Variants in RETREG1 observed in about 807,000 individuals in gnomAD.
RETREG1 encodes the protein family with sequence similarity 134 member B.
Under a neutral mutation model 54.8 loss-of-function variants are expected in RETREG1, and 44 were observed. The observed-to-expected ratio is 0.80, with a 90% confidence interval of 0.63 to 1.03. The LOEUF (loss-of-function observed/expected upper bound fraction) is 1.03, where lower values mean the gene tolerates loss of function less well. Among genes scored for constraint, RETREG1 ranks in the 50% least tolerant of loss-of-function variants. The pLI is 0.00. For synonymous variants in RETREG1, 217 were observed against 238.5 expected (o/e 0.91, Z 0.83); for missense variants, 554 against 605.1 (o/e 0.92, Z 0.89).
At chr5:16,554,470 C>T (rs1741632322) in intron 3 of RETREG1, among the ~76,000 whole-genome samples, 1 of 152,174 alleles carries the variant, frequency 6.6e-6, no homozygotes. Flanking sequence ...TTCACCCTGC[C>T]TGCGGGCACA....
At chr5:16,502,071 C>T (rs1276712528) in intron 3 of RETREG1, among the ~76,000 whole-genome samples, 1 of 151,814 alleles carries the variant, frequency 6.6e-6, no homozygotes, top group East Asian at 1.9e-4. Context: ...ATTCTCCTGC[C>T]TCAGCCTCCC....
At chr5:16,519,150 T>A in intron 3 of RETREG1, among the ~76,000 whole-genome samples, 1 of 152,164 alleles carries the variant, frequency 6.6e-6, no homozygotes, top group South Asian at 2.1e-4. Context: ...GATGACTATG[T>A]GCACCCCGCT....
At chr5:16,592,224 T>C (rs1742794410) in intron 1 of RETREG1, among the ~76,000 whole-genome samples, 1 of 151,976 alleles carries the variant, frequency 6.6e-6, no homozygotes, top group South Asian at 2.1e-4. Flanking sequence ...CTTCTTCCCA[T>C]CAAAAAGTGG....
chr5:16,485,913 T>C (rs2126524863), intron 3 of RETREG1, among the ~76,000 whole-genome samples: 1 of 152,312 alleles, frequency 6.6e-6, no homozygotes, highest in Admixed American at 6.5e-5. Flanking sequence ...GCACTATTCC[T>C]CTGTGTCTAT....
intron 3 of RETREG1, among the ~76,000 whole-genome samples, chr5:16,511,501 C>T (rs1740173180): frequency 6.6e-6 from 1 of 152,126 alleles, no homozygotes; most frequent in Non-Finnish European, 1.5e-5. Flanking sequence ...GCTATAACCC[C>T]ACAGTAGGTC....
intron 3 of RETREG1, among the ~76,000 whole-genome samples, chr5:16,521,862 C>G (rs532869093): frequency 2.4e-4 from 36 of 152,314 alleles, no homozygotes; most frequent in African/African-American, 8.4e-4. Flanking sequence ...TTTGGAGAAG[C>G]CAAATTGAAA....
chr5:16,532,143 T>C (rs1740935454), intron 3 of RETREG1, among the ~76,000 whole-genome samples: 1 of 152,218 alleles, frequency 6.6e-6, no homozygotes, highest in Non-Finnish European at 1.5e-5. Flanking sequence ...AGTAGCCTCT[T>C]TGCCACTCAA....
At chr5:16,541,678 C>A (rs945918152) in intron 3 of RETREG1, among the ~76,000 whole-genome samples, 1 of 145,554 alleles carries the variant, frequency 6.9e-6, no homozygotes, top group African/African-American at 2.6e-5. Context: ...CAAAGTGAGA[C>A]TCCATCAGAA....
chr5:16,601,986 C>T (rs918770160), intron 1 of RETREG1, among the ~76,000 whole-genome samples: 3 of 152,106 alleles, frequency 2.0e-5, no homozygotes, highest in Non-Finnish European at 1.5e-5. Context: ...GGCAATTCTT[C>T]CCAACCCAGA....
intron 3 of RETREG1, chr5:16,508,758 A>G: frequency 6.7e-7 from 1 of 1,499,484 alleles, no homozygotes; most frequent in Non-Finnish European, 8.9e-7. Context: ...TCCTTTTTGG[A>G]AAAAAAGTGC....
At position 16,616,888 on chromosome 5, in the gene RETREG1, T is replaced by C. The variant is rs1191188290; in HGVS notation, c.84A>G (p.Pro28=). The part of the protein sequence containing the change: ...AAEEQAPPSP[P]PPQASPAERQ... ...GCTCTGCGGGGGATGCCTGGGGCGG[T>C]GGCGGCGACGGCGGCGCCTGCTCCT... The change falls in exon 1 of 9, where the codon CCA becomes CCG. Residue 28 remains proline (P), a synonymous_variant. Transcript: ENST00000306320. 1 of 1,484,200 alleles carries C rather than the reference T, an allele frequency of 6.7e-7. No homozygotes were observed. The highest frequency in any genetic ancestry group is 2.3e-5 in the Admixed American group (1 of 43,994). 91.9% of individuals were successfully genotyped at this position (1,484,200 alleles called of 1,614,324 possible). A position where few individuals can be genotyped will look rare whatever the true frequency, so the allele number is the denominator to read the frequency against.
In RETREG1 at chr5:16,561,340, A is replaced by G. The variant is rs953745438; in HGVS notation, c.458+4423T>C. 1.3e-5 allele frequency among the ~76,000 whole-genome samples: 2 copies of G among 151,960 alleles called. No homozygotes were observed. The highest frequency in any genetic ancestry group is 4.8e-5 in the African/African-American group (2 of 41,346). ...GTGAAACCCCGTCTCTACTAAAAAT[A>G]CAAAAAATTAGCTGGGCATGGTGGT... On this transcript the variant is annotated intron_variant, in intron 3 of 8. Coordinates refer to ENST00000306320, the MANE Select transcript of RETREG1 (RefSeq NM_001034850.3). This position sits in a 1 kb window ranked among gnomAD's most constrained non-coding sequence, Gnocchi z 4.2.
At chr5:16,510,818 C>CAAAAAAAAAAAA (rs57713373) in intron 3 of RETREG1, among the ~76,000 whole-genome samples, 1 of 75,676 alleles carries the variant, frequency 1.3e-5, no homozygotes, top group Non-Finnish European at 2.4e-5. Context: ...ACAACAACAA[C>CAAAAAAAAAAAA]AAAAAAAAAA....
chr5:16,611,330 C>T (rs1743338333), intron 1 of RETREG1, among the ~76,000 whole-genome samples: 1 of 152,060 alleles, frequency 6.6e-6, no homozygotes, highest in Non-Finnish European at 1.5e-5. Flanking sequence ...GTGCAGCACA[C>T]CAACATGGCA....
chr5:16,520,056 A>G (rs1270121844), intron 3 of RETREG1, among the ~76,000 whole-genome samples: 1 of 152,136 alleles, frequency 6.6e-6, no homozygotes, highest in Non-Finnish European at 1.5e-5. Context: ...GCTACCTGGA[A>G]AGCATGGCCT....
chr5:16,562,604 G>A (rs1006363150), intron 3 of RETREG1, among the ~76,000 whole-genome samples: 6 of 152,138 alleles, frequency 3.9e-5, no homozygotes, highest in Admixed American at 6.5e-5. Context: ...AACACATGTC[G>A]ATGGCTTGTA....
Position 16,561,285 on chromosome 5 carries a change from C to T in RETREG1, c.458+4478G>A, listed in dbSNP as rs1217759103. On this transcript the variant is annotated intron_variant, in intron 3 of 8. Coordinates refer to ENST00000306320, the MANE Select transcript of RETREG1 (RefSeq NM_001034850.3). The surrounding 1 kb of genome is among the most constrained non-coding windows in gnomAD (Gnocchi z 4.2). Reference sequence around the variant, plus strand: ...GGCCGAGTCGGGCGGATCATGAGGTCAGGAGATCAAGACCATCCTGGCTAA... The same window carrying T: ...GGCCGAGTCGGGCGGATCATGAGGTTAGGAGATCAAGACCATCCTGGCTAA... Among the ~76,000 whole-genome samples the T allele has an allele frequency of 6.6e-6, 1 of 152,052 alleles. No individual in the cohort carries two copies. The highest frequency in any genetic ancestry group is 1.5e-5 in the Non-Finnish European group (1 of 68,010).
At chr5:16,528,480 G>C (rs538492930) in intron 3 of RETREG1, among the ~76,000 whole-genome samples, 3 of 152,098 alleles carry the variant, frequency 2.0e-5, no homozygotes, top group Admixed American at 6.5e-5. Context: ...ACCTGCCTGG[G>C]ACAGGAGTCA....
chr5:16,493,277 T>C (rs1054883999), intron 3 of RETREG1, among the ~76,000 whole-genome samples: 5 of 152,214 alleles, frequency 3.3e-5, no homozygotes, highest in Admixed American at 1.3e-4. Context: ...CAGTTTCAAG[T>C]TTCTATGAAC....
Sources: allele counts gnomAD v4.1 joint callset (sites outside exome capture counted in the v4.1 genomes callset), GRCh38; gene constraint gnomAD v4.1.1; non-coding constraint Gnocchi (gnomAD v3.1); transcripts MANE v1.5; gene names NCBI Gene and HGNC (gene_info 2026-07-23, HGNC 2026-07-21).